Variants in DEPTOR observed in about 807,000 individuals in gnomAD.
The protein encoded by DEPTOR is DEP domain containing MTOR interacting protein.
Under a neutral mutation model 41.6 loss-of-function variants are expected in DEPTOR, and 41 were observed. The observed-to-expected ratio is 0.98, with a 90% CI of 0.77 to 1.28. The LOEUF is 1.28. Among genes scored for constraint, DEPTOR ranks in the 50% most tolerant of loss-of-function variants. The pLI is 0.00. For missense variants in DEPTOR, 514 were observed against 527.9 expected (o/e 0.97, Z 0.26); for synonymous variants, 195 against 192.3 (o/e 1.01, Z -0.12).
intron 4 of DEPTOR, among the ~76,000 whole-genome samples, chr8:119,972,397 C>T (rs984470875): frequency 7.9e-5 from 12 of 152,000 alleles, no homozygotes; most frequent in South Asian, 6.2e-4. Flanking sequence ...CTGAGGCAGA[C>T]GGATCACTTG....
At chr8:119,918,886 G>A (rs1273450247) in intron 1 of DEPTOR, among the ~76,000 whole-genome samples, 2 of 151,970 alleles carry the variant, frequency 1.3e-5, no homozygotes, top group East Asian at 1.9e-4. Context: ...GAGCCACCGC[G>A]CCTGGCCATG....
intron 3 of DEPTOR, among the ~76,000 whole-genome samples, chr8:119,944,843 A>C (rs1160640822): frequency 6.6e-6 from 1 of 151,860 alleles, no homozygotes; most frequent in East Asian, 1.9e-4. Context: ...TTTAGTAGAG[A>C]CAGGGTTTAA....
At chr8:120,003,636 TG>T (rs201325030) in intron 6 of DEPTOR, among the ~76,000 whole-genome samples, 6,371 of 152,230 alleles carry the variant, frequency 0.042, 250 homozygotes, top group South Asian at 0.17. Context: ...TAAGATCTGT[TG>T]GGGCCCAACA....
At chr8:119,884,315 C>G (rs796137203) in intron 1 of DEPTOR, among the ~76,000 whole-genome samples, 3 of 152,292 alleles carry the variant, frequency 2.0e-5, no homozygotes, top group African/African-American at 7.2e-5. Flanking sequence ...ACCTCGGCCT[C>G]CCAAAGTGCT....
intron 1 of DEPTOR, among the ~76,000 whole-genome samples, chr8:119,912,113 A>C (rs1357095824): frequency 6.6e-6 from 1 of 152,210 alleles, no homozygotes; most frequent in Non-Finnish European, 1.5e-5. Context: ...AGAACACATC[A>C]TGGAAGAAGG....
intron 1 of DEPTOR, among the ~76,000 whole-genome samples, chr8:119,890,188 G>C (rs1266089280): frequency 6.6e-6 from 1 of 152,130 alleles, no homozygotes; most frequent in African/African-American, 2.4e-5. Context: ...CTCCTGACCT[G>C]AAGTGATCCA....
At chr8:120,007,594 G>T (rs16893418) in intron 7 of DEPTOR, among the ~76,000 whole-genome samples, 1,813 of 152,118 alleles carry the variant, frequency 0.012, 39 homozygotes, top group African/African-American at 0.04. Flanking sequence ...TCAAATTCAC[G>T]TTCATACCCT....
intron 1 of DEPTOR, among the ~76,000 whole-genome samples, chr8:119,921,758 T>G (rs1244719976): frequency 2.1e-5 from 3 of 145,726 alleles, no homozygotes; most frequent in South Asian, 2.2e-4. Flanking sequence ...GTTTTTTTTT[T>G]TGTTTGTTTG....
At chr8:119,909,728 C>A (rs1172811402) in intron 1 of DEPTOR, among the ~76,000 whole-genome samples, 1 of 152,234 alleles carries the variant, frequency 6.6e-6, no homozygotes, top group Non-Finnish European at 1.5e-5. Context: ...CTATTCATAA[C>A]CAATTCCAAT....
intron 3 of DEPTOR, among the ~76,000 whole-genome samples, chr8:119,932,595 C>T (rs1586621180): frequency 6.6e-6 from 1 of 152,298 alleles, no homozygotes; most frequent in Non-Finnish European, 1.5e-5. Context: ...AGATTGAGCC[C>T]TTTCCACATG....
chr8:119,990,759 C>T (rs1321432049), intron 4 of DEPTOR, among the ~76,000 whole-genome samples: 1 of 152,134 alleles, frequency 6.6e-6, no homozygotes, highest in Non-Finnish European at 1.5e-5. Flanking sequence ...CAATTTCCTG[C>T]TTTCATATCC....
intron 4 of DEPTOR, among the ~76,000 whole-genome samples, chr8:119,996,396 A>C (rs1586650427): frequency 6.6e-6 from 1 of 152,348 alleles, no homozygotes; most frequent in East Asian, 1.9e-4. Flanking sequence ...TATGCTGAAC[A>C]CTTATAGTTG....
intron 3 of DEPTOR, among the ~76,000 whole-genome samples, 200 bp downstream of exon 3, chr8:119,930,138 G>T (rs914248144): frequency 1.3e-5 from 2 of 152,122 alleles, no homozygotes; most frequent in African/African-American, 4.8e-5. Context: ...TCTTAATAAA[G>T]AATTTACTTA....
At chr8:119,981,612 T>G (rs906004572) in intron 4 of DEPTOR, among the ~76,000 whole-genome samples, 1 of 150,432 alleles carries the variant, frequency 6.6e-6, no homozygotes, top group African/African-American at 2.5e-5. Context: ...GAGCAGTGAT[T>G]GTGCCACTGC....
At chr8:120,036,033 C>T (rs1429640605) in intron 8 of DEPTOR, among the ~76,000 whole-genome samples, 1 of 152,180 alleles carries the variant, frequency 6.6e-6, no homozygotes, top group African/African-American at 2.4e-5. Flanking sequence ...CAAGTTTTTG[C>T]CCTAACTTTG....
At chr8:119,931,792 A>C (rs1216864204) in intron 3 of DEPTOR, among the ~76,000 whole-genome samples, 3 of 151,946 alleles carry the variant, frequency 2.0e-5, no homozygotes, top group Non-Finnish European at 4.4e-5. Context: ...ACTTTCTTTT[A>C]ATTTCTTAGT....
chr8:119,900,695 CT>C (rs1219231995), intron 1 of DEPTOR, among the ~76,000 whole-genome samples: 4 of 151,796 alleles, frequency 2.6e-5, no homozygotes, highest in African/African-American at 9.7e-5. Flanking sequence ...GGACCTTACA[CT>C]TTTTTTTCTT....
At position 119,883,946 on chromosome 8, in the gene DEPTOR, T is replaced by A. The variant is rs117378504; in HGVS notation, c.122+9978T>A. ...CAGAGCAGGCAGGATTCAGAAGGAC[T>A]AGTCCTAGCACAGTACGCTCAGTAG... On this transcript the variant is annotated intron_variant, in intron 1 of 8. Coordinates refer to ENST00000286234, the MANE Select transcript of DEPTOR (RefSeq NM_022783.4). Among the ~76,000 whole-genome samples, 164 of 152,350 alleles carry A rather than the reference T, an allele frequency of 1.1e-3. 1 individual carries two copies. In the East Asian group the frequency reaches 0.017, roughly 16 times the overall value.
chr8:120,024,152 G>A (rs990541493), intron 8 of DEPTOR, among the ~76,000 whole-genome samples: 3 of 152,098 alleles, frequency 2.0e-5, no homozygotes, highest in Non-Finnish European at 2.9e-5. Context: ...CAGGAGAATC[G>A]CTTGACCCTG....
Sources: gnomAD v4.1 joint callset for allele counts (sites outside exome capture counted in the v4.1 genomes callset) on GRCh38, gnomAD v4.1.1 for gene constraint, MANE v1.5 for transcripts, NCBI Gene and HGNC (gene_info 2026-07-23, HGNC 2026-07-21) for gene names.